The following PCDH9 variants were observed in gnomAD, a reference collection of about 807,000 sequenced individuals.
PCDH9 encodes protocadherin 9.
A neutral mutation model predicts 70.6 loss-of-function variants in PCDH9; 24 were observed. The observed-to-expected ratio is 0.34, with a 90% confidence interval of 0.25 to 0.48. PCDH9 has a LOEUF of 0.48. PCDH9 is among the 20% of genes least tolerant of loss of function. The pLI, the probability that PCDH9 is intolerant of heterozygous loss-of-function variation, is 0.99. For synonymous variants in PCDH9, 562 were observed against 558.5 expected (o/e 1.01, Z -0.09); for missense variants, 1,281 against 1,503.6 (o/e 0.85, Z 2.45).
At chr13:66,474,208 C>T (rs1221517940) in intron 4 of PCDH9, among the ~76,000 whole-genome samples, 3 of 152,146 alleles carry the variant, frequency 2.0e-5, no homozygotes, top group Non-Finnish European at 1.5e-5. Flanking sequence ...TCTGCATGGG[C>T]AAACCACAGT....
intron 4 of PCDH9, among the ~76,000 whole-genome samples, chr13:66,594,064 T>A (rs576923695): frequency 6.6e-6 from 1 of 151,906 alleles, no homozygotes; most frequent in African/African-American, 2.4e-5. Context: ...ACACAAAATA[T>A]CTATTTGGAA....
chr13:67,126,269 A>G (rs1256906983), intron 2 of PCDH9, among the ~76,000 whole-genome samples: 2 of 152,168 alleles, frequency 1.3e-5, no homozygotes, highest in Non-Finnish European at 2.9e-5. Flanking sequence ...ATTCTCATAA[A>G]TAGAGTGAAA....
At chr13:66,508,463 T>C (rs1056228827) in intron 4 of PCDH9, among the ~76,000 whole-genome samples, 4 of 152,196 alleles carry the variant, frequency 2.6e-5, no homozygotes, top group Admixed American at 2.6e-4. Flanking sequence ...ATTGTGCTAG[T>C]CAGATAACAG....
At chr13:66,493,308 C>A (rs2138538833) in intron 4 of PCDH9, among the ~76,000 whole-genome samples, 1 of 152,186 alleles carries the variant, frequency 6.6e-6, no homozygotes, top group South Asian at 2.1e-4. Flanking sequence ...GACAAAGGAA[C>A]AAATTATGTT....
At chr13:67,069,659 TTC>T (rs1276801063) in intron 2 of PCDH9, among the ~76,000 whole-genome samples, 1 of 152,168 alleles carries the variant, frequency 6.6e-6, no homozygotes. Flanking sequence ...ACCATCTCCT[TTC>T]TTTCTGAATT....
intron 2 of PCDH9, among the ~76,000 whole-genome samples, chr13:66,980,506 T>C (rs1230091429): frequency 6.6e-6 from 1 of 152,148 alleles, no homozygotes; most frequent in East Asian, 1.9e-4. Context: ...GAAATTTTTA[T>C]CTATCCTTCA....
At chr13:66,438,446 A>G (rs1957917750) in intron 4 of PCDH9, among the ~76,000 whole-genome samples, 1 of 152,214 alleles carries the variant, frequency 6.6e-6, no homozygotes, top group South Asian at 2.1e-4. Context: ...AGGCTAAATA[A>G]CTTTTGACAG....
At chr13:67,213,027 C>T (rs143420078) in intron 2 of PCDH9, 2,608 of 151,326 alleles carry the variant, frequency 0.017, 33 homozygotes, top group Non-Finnish European at 0.029. Context: ...CTGGCTAACA[C>T]GATGAAACCC....
chr13:67,129,624 T>C (rs2087061358), intron 2 of PCDH9, among the ~76,000 whole-genome samples: 1 of 141,354 alleles, frequency 7.1e-6, no homozygotes, highest in South Asian at 2.2e-4. Context: ...CATATAAATA[T>C]ACATATATAT....
At chr13:67,174,322 C>G (rs573957726) in intron 2 of PCDH9, among the ~76,000 whole-genome samples, 32 of 144,472 alleles carry the variant, frequency 2.2e-4, no homozygotes, top group African/African-American at 4.5e-4. Flanking sequence ...TAGATACATA[C>G]ATACATACAT....
chr13:66,643,184 A>G (rs186903635), intron 3 of PCDH9, among the ~76,000 whole-genome samples: 41 of 152,162 alleles, frequency 2.7e-4, no homozygotes, highest in Non-Finnish European at 4.6e-4. Context: ...TGATGACCTG[A>G]TAAGCTGGAG....
chr13:66,999,619 C>A (rs1156812676), intron 2 of PCDH9, among the ~76,000 whole-genome samples: 24 of 151,546 alleles, frequency 1.6e-4, no homozygotes, highest in African/African-American at 5.1e-4. Flanking sequence ...CTACAATGAA[C>A]TCAAACAAAT....
At chr13:66,404,356 C>A (rs941601749) in intron 4 of PCDH9, among the ~76,000 whole-genome samples, 1 of 151,934 alleles carries the variant, frequency 6.6e-6, no homozygotes, top group African/African-American at 2.4e-5. Flanking sequence ...CCAACATTTC[C>A]AAGAATGAAA....
Position 66,423,577 on chromosome 13 carries a change from C to T in PCDH9, c.3341-118549G>A, listed in dbSNP as rs1473093376. 3.9e-5 allele frequency among the ~76,000 whole-genome samples: 6 copies of T among 152,026 alleles called. No homozygotes were observed. In the East Asian group the frequency reaches 1.2e-3, roughly 29 times the overall value. On this transcript the variant is annotated intron_variant, in intron 4 of 4. Transcript: ENST00000377865. ...CATAAACAGAACCAATGACAAAAGC[C>T]ACATGATTATCCCAAAAGATGTAGA...
chr13:67,115,483 T>G (rs1421176460), intron 2 of PCDH9, among the ~76,000 whole-genome samples: 1 of 152,204 alleles, frequency 6.6e-6, no homozygotes, highest in Admixed American at 6.5e-5. Context: ...GCAATCCTTC[T>G]TTTGCTGCCG....
At chr13:67,015,584 A>C (rs989027509) in intron 2 of PCDH9, among the ~76,000 whole-genome samples, 28 of 152,130 alleles carry the variant, frequency 1.8e-4, no homozygotes, top group African/African-American at 6.7e-4. Context: ...ACTGATTTCT[A>C]ATCTATTTTG....
intron 2 of PCDH9, among the ~76,000 whole-genome samples, chr13:66,909,790 T>C (rs1473176750): frequency 6.6e-6 from 1 of 152,156 alleles, no homozygotes; most frequent in East Asian, 1.9e-4. Flanking sequence ...GGAGTAACTT[T>C]GTCACAGTAA....
At chr13:66,944,813 G>A (rs898246024) in intron 2 of PCDH9, among the ~76,000 whole-genome samples, 3 of 118,684 alleles carry the variant, frequency 2.5e-5, no homozygotes, top group East Asian at 2.4e-4. Flanking sequence ...TCTTCTAATC[G>A]TCTCTGTGTG....
At chr13:66,569,094 T>G (rs527642328) in intron 4 of PCDH9, among the ~76,000 whole-genome samples, 1 of 146,256 alleles carries the variant, frequency 6.8e-6, no homozygotes, top group East Asian at 2.1e-4. Context: ...CTCCACTTCT[T>G]GAGTTCAAGC....
Sources: allele counts gnomAD v4.1 joint callset (sites outside exome capture counted in the v4.1 genomes callset), GRCh38; gene constraint gnomAD v4.1.1; transcripts MANE v1.5; gene names NCBI Gene and HGNC (gene_info 2026-07-23, HGNC 2026-07-21).